The following STK38L variants were observed in gnomAD, a reference collection of about 807,000 sequenced individuals.
The protein encoded by STK38L is serine/threonine kinase 38 like.
STK38L carries 28 observed loss-of-function variants against 59.7 expected under a neutral mutation model. That is an observed-to-expected ratio of 0.47 (90% CI 0.35 to 0.64). The LOEUF (loss-of-function observed/expected upper bound fraction) is 0.64. Among genes scored for constraint, STK38L ranks in the 30% least tolerant of loss-of-function variants. The pLI is 0.01. For missense variants in STK38L, 314 were observed against 555.8 expected, an observed-to-expected ratio of 0.56 and a Z score of 4.37; for synonymous variants, 162 against 176.8, an observed-to-expected ratio of 0.92 and a Z score of 0.66.
chr12:27,287,993 G>A (rs1221865644), intron 1 of STK38L, among the ~76,000 whole-genome samples: 1 of 152,114 alleles, frequency 6.6e-6, no homozygotes, highest in Non-Finnish European at 1.5e-5. Flanking sequence ...AGTGATTCTT[G>A]TGCCTCAGTC....
In STK38L at chr12:27,255,276, A is replaced by G. The variant is rs572476525; in HGVS notation, c.-12+10944A>G. On this transcript the variant is annotated intron_variant, in intron 1 of 13. Transcript: ENST00000389032. The stretch of plus-strand genomic sequence containing the variant: ...TAACCAAGAGTGTAACTGGACCCAC[A>G]GAAGGAAAAATAGGGCTAAGAAATT... Among the ~76,000 whole-genome samples, 3 of 152,352 alleles carry G rather than the reference A, an allele frequency of 2.0e-5. No homozygotes were observed. In the East Asian group the frequency reaches 5.8e-4, roughly 29 times the overall value.
intron 3 of STK38L, among the ~76,000 whole-genome samples, chr12:27,304,402 C>A (rs1207338145): frequency 6.6e-6 from 1 of 151,590 alleles, no homozygotes; most frequent in Non-Finnish European, 1.5e-5. Context: ...ATGTTTAAAT[C>A]AAATACAATA....
intron 1 of STK38L, among the ~76,000 whole-genome samples, chr12:27,295,257 A>G (rs1943988630): frequency 6.6e-6 from 1 of 152,244 alleles, no homozygotes; most frequent in South Asian, 2.1e-4. Flanking sequence ...TTACATTTGT[A>G]TAAGCCATTG....
intron 1 of STK38L, among the ~76,000 whole-genome samples, chr12:27,250,996 CAAAAAAAAAAA>C (rs34643896): frequency 1.9e-5 from 2 of 104,976 alleles, no homozygotes; most frequent in South Asian, 3.1e-4. Flanking sequence ...GACTCTGTCT[CAAAAAAAAAAA>C]AAAAAAAAAG....
chr12:27,284,801 A>G (rs1943734888), intron 1 of STK38L, among the ~76,000 whole-genome samples: 1 of 152,222 alleles, frequency 6.6e-6, no homozygotes, highest in African/African-American at 2.4e-5. Context: ...TCAGGTATTA[A>G]TGATAAAGGT....
In STK38L at chr12:27,308,394, A is replaced by G. The variant is rs770083865; in HGVS notation, c.242A>G (p.Lys81Arg). ...AAAGAAACAGAGTTCTTACGGCTCA[A>G]AAGGACCAGACTTGGCTTGGATGAC... ...ARKETEFLRL[K>R]RTRLGLDDFE... Residue 81 changes from lysine to arginine, a missense_variant, in exon 4 of 14, where the codon AAA becomes AGA. Physicochemically the swap from Lys to Arg is conservative, Grantham distance 26. Around this residue, in one of 3 missense-constraint regions of STK38L, gnomAD observed 192 missense variants for 316.9 expected, o/e 0.61. Coordinates refer to ENST00000389032, the MANE Select transcript of STK38L (RefSeq NM_015000.4). The surrounding 1 kb of genome is among the most constrained non-coding windows in gnomAD (Gnocchi z 4.5). The G allele has an allele frequency of 1.9e-6, 3 of 1,600,508 alleles. No homozygotes were observed. The South Asian group carries it at 3.3e-5, about 18-fold the overall frequency.
At chr12:27,287,356 C>T (rs576749121) in intron 1 of STK38L, among the ~76,000 whole-genome samples, 22 of 152,218 alleles carry the variant, frequency 1.4e-4, no homozygotes, top group Non-Finnish European at 2.2e-4. Context: ...GAGATCCACC[C>T]GTCTCAGCCT....
intron 1 of STK38L, among the ~76,000 whole-genome samples, chr12:27,265,278 G>C (rs1432261782): frequency 2.6e-5 from 4 of 152,122 alleles, no homozygotes; most frequent in Admixed American, 1.3e-4. Flanking sequence ...ATGTGTGTAT[G>C]TGTGTGTATA....
intron 3 of STK38L, among the ~76,000 whole-genome samples, chr12:27,305,666 C>T (rs12300098): frequency 0.22 from 33,597 of 152,070 alleles, 4,955 homozygotes; most frequent in African/African-American, 0.41. Flanking sequence ...TATACAAATA[C>T]TGGCCACCCT....
In STK38L at chr12:27,290,581, GACTA is replaced by G. The variant is rs368568274; in HGVS notation, c.-11-7125_-11-7122del. 2.8e-4 allele frequency among the ~76,000 whole-genome samples: 43 copies of G among 152,274 alleles called. No individual in the cohort carries two copies. The South Asian group carries it at 8.3e-3, about 29-fold the overall frequency. ...ATTAGAGACTTTAGTCTTTCCAGCT[GACTA>G]ACTGAGGCTTCTTCACTTCTGCTAC... is the stretch of plus-strand genomic sequence containing the variant. On this transcript the variant is annotated intron_variant, in intron 1 of 13. Coordinates refer to ENST00000389032, the MANE Select transcript of STK38L (RefSeq NM_015000.4).
intron 1 of STK38L, among the ~76,000 whole-genome samples, chr12:27,278,760 G>T (rs1943590382): frequency 6.6e-6 from 1 of 152,120 alleles, no homozygotes; most frequent in Admixed American, 6.5e-5. Context: ...CTCTCAGTTT[G>T]GATACTTGTC....
At chr12:27,280,487 T>C (rs1398695678) in intron 1 of STK38L, among the ~76,000 whole-genome samples, 1 of 152,204 alleles carries the variant, frequency 6.6e-6, no homozygotes, top group Non-Finnish European at 1.5e-5. Flanking sequence ...TGAGAGGGAC[T>C]CCTTTGTCAC....
intron 12 of STK38L, among the ~76,000 whole-genome samples, chr12:27,321,402 G>A (rs1486086870): frequency 6.6e-6 from 1 of 152,010 alleles, no homozygotes; most frequent in Non-Finnish European, 1.5e-5. Context: ...GTTTTTGCAT[G>A]CAGATTTCAT....
intron 1 of STK38L, among the ~76,000 whole-genome samples, chr12:27,289,639 A>G (rs1192591608): frequency 2.6e-5 from 4 of 152,262 alleles, no homozygotes; most frequent in African/African-American, 7.2e-5. Flanking sequence ...TCTAGTGATC[A>G]GGGCATACGC....
intron 1 of STK38L, among the ~76,000 whole-genome samples, chr12:27,269,533 A>G (rs1408876829): frequency 1.3e-5 from 2 of 152,252 alleles, no homozygotes; most frequent in Middle Eastern, 3.4e-3. Context: ...GCCTTGTAGT[A>G]TAGTTTGAAG....
chr12:27,275,329 G>T (rs980478667), intron 1 of STK38L, among the ~76,000 whole-genome samples: 3 of 147,324 alleles, frequency 2.0e-5, no homozygotes, highest in Non-Finnish European at 4.5e-5. Flanking sequence ...TGTCTTCCAT[G>T]ATTAGACTGC....
chr12:27,300,691 A>AAAAATCAGTGTAAT, intron 2 of STK38L: 1 of 447,566 alleles, frequency 2.2e-6, no homozygotes, highest in South Asian at 1.6e-5. Context: ...AACAAAAGAC[A>AAAAATCAGTGTAAT]AAAATCAGTG....
At chr12:27,271,097 A>G (rs554624629) in intron 1 of STK38L, among the ~76,000 whole-genome samples, 58 of 152,332 alleles carry the variant, frequency 3.8e-4, no homozygotes, top group African/African-American at 1.4e-3. Context: ...ATATTAACTC[A>G]CAACAATCCT....
chr12:27,321,917 C>A (rs749528922), intron 12 of STK38L, among the ~76,000 whole-genome samples: 1 of 151,798 alleles, frequency 6.6e-6, no homozygotes, highest in Non-Finnish European at 1.5e-5. Flanking sequence ...ACCACATAAC[C>A]CCAAAAATTA....
Sources: gnomAD v4.1 joint callset for allele counts (sites outside exome capture counted in the v4.1 genomes callset) on GRCh38, gnomAD v4.1.1 for gene constraint, gnomAD v4.1.1 regional missense constraint, Gnocchi (gnomAD v3.1) non-coding constraint, MANE v1.5 for transcripts, NCBI Gene and HGNC (gene_info 2026-07-23, HGNC 2026-07-21) for gene names.